CLYBL: variants seen among roughly 807,000 people sequenced by gnomAD.
The protein encoded by CLYBL is citramalyl-CoA lyase.
A neutral mutation model predicts 38.9 loss-of-function variants in CLYBL; 31 were observed. The observed-to-expected ratio is 0.80, with a 90% CI of 0.60 to 1.08. The LOEUF is 1.08. Ranked by LOEUF, CLYBL falls within the 50% of genes least tolerant of loss-of-function variation. The pLI, the probability that CLYBL is intolerant of heterozygous loss-of-function variation, is 0.00. For missense variants in CLYBL, 434 were observed against 411.6 expected (o/e 1.05, Z -0.47); for synonymous variants, 171 against 158.6 (o/e 1.08, Z -0.59).
intron 2 of CLYBL, among the ~76,000 whole-genome samples, chr13:99,828,063 C>T (rs946796823): frequency 7.2e-5 from 11 of 152,188 alleles, no homozygotes; most frequent in Admixed American, 3.3e-4. Context: ...GCAGGACCCA[C>T]GGATTGCAGG....
intron 1 of CLYBL, among the ~76,000 whole-genome samples, chr13:99,739,703 G>A (rs147841654): frequency 9.2e-5 from 14 of 152,366 alleles, no homozygotes; most frequent in African/African-American, 3.4e-4. Context: ...GCCGGGCATG[G>A]TGGCTCACGC....
intron 1 of CLYBL, among the ~76,000 whole-genome samples, chr13:99,637,413 C>G (rs2047034045): frequency 6.6e-6 from 1 of 152,190 alleles, no homozygotes; most frequent in Non-Finnish European, 1.5e-5. Flanking sequence ...TGCATATTCC[C>G]TGTCTTGCCA....
At chr13:99,893,160 G>C (rs1204896712), downstream of CLYBL, 3 of 152,328 alleles carry the variant, frequency 2.0e-5, no homozygotes, top group African/African-American at 7.2e-5. Flanking sequence ...AAAGGAAGGT[G>C]GGAGCTAGCC....
chr13:99,738,635 C>A (rs2048703415), intron 1 of CLYBL, among the ~76,000 whole-genome samples: 3 of 152,132 alleles, frequency 2.0e-5, no homozygotes, highest in Non-Finnish European at 4.4e-5. Flanking sequence ...CCCAGAGATT[C>A]AAGGGGACTT....
At chr13:99,627,650 T>C (rs2046889009) in intron 1 of CLYBL, among the ~76,000 whole-genome samples, 1 of 152,372 alleles carries the variant, frequency 6.6e-6, no homozygotes, top group African/African-American at 2.4e-5. Context: ...TTTTTCACAC[T>C]TGGCATTTAA....
chr13:99,648,325 G>T (rs1473232941), intron 1 of CLYBL, among the ~76,000 whole-genome samples: 2 of 152,140 alleles, frequency 1.3e-5, no homozygotes, highest in Non-Finnish European at 2.9e-5. Flanking sequence ...TATTCAGAAG[G>T]CTCCGAATGT....
chr13:99,871,196 C>T, intron 7 of CLYBL, 134 bp downstream of exon 7: 2 of 996,958 alleles, frequency 2.0e-6, no homozygotes, highest in South Asian at 1.5e-5. Flanking sequence ...GGGAACACAA[C>T]ATTCACCAGT....
intron 1 of CLYBL, among the ~76,000 whole-genome samples, chr13:99,624,905 C>T (rs1830108327): frequency 6.6e-6 from 1 of 152,166 alleles, no homozygotes; most frequent in Admixed American, 6.5e-5. Flanking sequence ...AAATAACATT[C>T]GCTTTTATCT....
rs751846164 is a variant in CLYBL, at chr13:99,857,984, G to T, written c.250-877G>T. On this transcript the variant is annotated intron_variant, in intron 2 of 8. Transcript: ENST00000339105. ...GAGTTGGCTTTTGAAACTGAAATTG[G>T]CAGGAAGTAATGACCCCCAGTGCTT... Among the ~76,000 whole-genome samples the T allele has an allele frequency of 2.2e-4, 34 of 152,224 alleles. No individual in the cohort carries two copies. The Middle Eastern group carries it at 0.01, about 46-fold the overall frequency.
At chr13:99,861,663 G>A (rs952624100) in intron 3 of CLYBL, among the ~76,000 whole-genome samples, 4 of 152,156 alleles carry the variant, frequency 2.6e-5, no homozygotes, top group Admixed American at 2.6e-4. Flanking sequence ...CCCTTTGAAG[G>A]GGGGGCAGTG....
chr13:99,887,868 T>A (rs1871674049), intron 7 of CLYBL, among the ~76,000 whole-genome samples: 1 of 152,068 alleles, frequency 6.6e-6, no homozygotes, highest in Non-Finnish European at 1.5e-5. Context: ...TTTTTTTTTT[T>A]TTTTTAGGAT....
At chr13:99,840,403 A>G (rs574671966) in intron 2 of CLYBL, among the ~76,000 whole-genome samples, 114 of 152,140 alleles carry the variant, frequency 7.5e-4, no homozygotes, top group African/African-American at 2.6e-3. Flanking sequence ...CTGGGGGCCA[A>G]GAGTTCAAGA....
In CLYBL at chr13:99,606,749, G is replaced by A; in HGVS notation, c.54G>A (p.Leu18=). ...CGCGCGGAGCTGCGGCGGCGGCGCT[G>A]CTGAGGCTGTGAGTGCAGGTCCCCG... ...RAARGAAAAA[L]LRLKASLAAD... The change falls in exon 1 of 9, where the codon CTG becomes CTA. Residue 18 remains leucine, a synonymous_variant. Transcript: ENST00000339105. The A allele has an allele frequency of 2.7e-6, 4 of 1,483,476 alleles. No individual in the cohort carries two copies. The highest frequency in any genetic ancestry group is 3.6e-6 in the Non-Finnish European group (4 of 1,122,346). The allele number at this position is 1,483,476 out of a possible 1,614,324, so 91.9% of individuals were successfully genotyped here.
chr13:99,674,623 C>T (rs746319220), intron 1 of CLYBL, among the ~76,000 whole-genome samples: 1 of 152,086 alleles, frequency 6.6e-6, no homozygotes, highest in Non-Finnish European at 1.5e-5. Flanking sequence ...CGTTTCCCCA[C>T]GAAGACCTCA....
At chr13:99,731,871 C>G (rs1433323079) in intron 1 of CLYBL, among the ~76,000 whole-genome samples, 1 of 152,090 alleles carries the variant, frequency 6.6e-6, no homozygotes, top group Admixed American at 6.5e-5. Flanking sequence ...GCTTTCGTAT[C>G]TCAGGAACTG....
downstream of CLYBL, chr13:99,893,291 G>C (rs2052527658): frequency 6.6e-6 from 1 of 152,558 alleles, no homozygotes; most frequent in South Asian, 2.1e-4. Context: ...TCCCAGAGGA[G>C]CACCCATTGT....
At position 99,791,370 on chromosome 13, in the gene CLYBL, AC is replaced by A. The variant is rs566529138; in HGVS notation, c.249+18361del. Reference sequence around the variant, plus strand: ...AAATAGTGTCTTTTTTAAAAAAAAAACAAACAAAAAACAGCGGTGTCATTTT... The same window carrying A: ...AAATAGTGTCTTTTTTAAAAAAAAAAAAACAAAAAACAGCGGTGTCATTTT... On this transcript the variant is annotated intron_variant, in intron 2 of 8. Transcript: ENST00000339105. Among the ~76,000 whole-genome samples, 1,168 of 148,956 alleles carry A rather than the reference AC, an allele frequency of 7.8e-3. 19 individuals carry two copies. Among genetic ancestry groups the A allele is most frequent in the African/African-American group, 0.027 (1,099 of 40,180 alleles).
chr13:99,901,654 T>TTTTG (rs1555327300), downstream of CLYBL, among the ~76,000 whole-genome samples: 17 of 141,904 alleles, frequency 1.2e-4, no homozygotes, highest in African/African-American at 4.7e-4. Flanking sequence ...TGTTTTTTTT[T>TTTTG]TTTGTTTGTT....
intron 1 of CLYBL, among the ~76,000 whole-genome samples, chr13:99,746,753 A>G (rs1237253968): frequency 1.3e-5 from 2 of 152,220 alleles, no homozygotes; most frequent in Admixed American, 6.5e-5. Flanking sequence ...CATGCACTTG[A>G]CAGGTGCTAT....
Sources: gnomAD v4.1 joint callset for allele counts (sites outside exome capture counted in the v4.1 genomes callset) on GRCh38, gnomAD v4.1.1 for gene constraint, MANE v1.5 for transcripts, NCBI Gene and HGNC (gene_info 2026-07-23, HGNC 2026-07-21) for gene names.